HIVEP3: variants seen among roughly 807,000 people sequenced by gnomAD.
The protein encoded by HIVEP3 is transcription factor HIVEP3.
HIVEP3 carries 49 observed loss-of-function variants against 152.8 expected under a neutral mutation model. That is an observed-to-expected ratio of 0.32 (90% confidence interval 0.26 to 0.41). The LOEUF (loss-of-function observed/expected upper bound fraction) is 0.41, where lower values mean the gene tolerates loss of function less well. Among genes scored for constraint, HIVEP3 ranks in the 10% least tolerant of loss-of-function variants. The pLI is 1.00. For synonymous variants in HIVEP3, 1,269 were observed against 1,289.0 expected (o/e 0.98, Z 0.33); for missense variants, 2,790 against 3,103.3 (o/e 0.90, Z 2.40).
chr1:41,855,946 T>C (rs1643754028), intron 1 of HIVEP3, among the ~76,000 whole-genome samples: 1 of 152,182 alleles, frequency 6.6e-6, no homozygotes. Context: ...AGTGCAGTGA[T>C]GCAATCTCAG....
chr1:41,778,854 CG>C (rs1194061233), intron 1 of HIVEP3, among the ~76,000 whole-genome samples: 1 of 151,878 alleles, frequency 6.6e-6, no homozygotes, highest in Admixed American at 6.6e-5. Context: ...TCGGGTGGTA[CG>C]GAAGATCTCT....
At chr1:41,759,564 G>A (rs1647532205) in intron 1 of HIVEP3, among the ~76,000 whole-genome samples, 1 of 152,134 alleles carries the variant, frequency 6.6e-6, no homozygotes, top group African/African-American at 2.4e-5. Context: ...ACCTAGGAGT[G>A]GAATTGCTGG....
intron 1 of HIVEP3, among the ~76,000 whole-genome samples, chr1:41,732,861 G>A (rs1646862299): frequency 6.6e-6 from 1 of 152,146 alleles, no homozygotes; most frequent in Admixed American, 6.5e-5. Context: ...GGGGTCGGTA[G>A]GAGGGCAGAG....
intron 2 of HIVEP3, among the ~76,000 whole-genome samples, chr1:41,639,774 C>A (rs1243997019): frequency 5.9e-5 from 9 of 152,200 alleles, no homozygotes; most frequent in South Asian, 2.1e-4. Flanking sequence ...GCCTTGGGAA[C>A]CTTCCCGGTC....
intron 2 of HIVEP3, among the ~76,000 whole-genome samples, chr1:41,672,227 G>C (rs564286069): frequency 3.3e-5 from 5 of 152,184 alleles, no homozygotes; most frequent in Non-Finnish European, 7.4e-5. Context: ...ATGTGGGGCA[G>C]GCCCCATGTG....
At chr1:41,594,544 G>C (rs1219768357) in intron 3 of HIVEP3, among the ~76,000 whole-genome samples, 1 of 152,118 alleles carries the variant, frequency 6.6e-6, no homozygotes, top group East Asian at 1.9e-4. Context: ...TTTAAAACCT[G>C]TTTCTTGATC....
At chr1:41,840,035 C>T (rs1287369845) in intron 1 of HIVEP3, among the ~76,000 whole-genome samples, 2 of 152,176 alleles carry the variant, frequency 1.3e-5, no homozygotes, top group African/African-American at 4.8e-5. Context: ...CCCATCATCT[C>T]AGGAAGATCG....
At chr1:41,945,963 T>C (rs1645072621) in intron 1 of HIVEP3, among the ~76,000 whole-genome samples, 1 of 152,046 alleles carries the variant, frequency 6.6e-6, no homozygotes, top group Non-Finnish European at 1.5e-5. Flanking sequence ...GAAACCCTAC[T>C]GAACTTGGCA....
intron 1 of HIVEP3, among the ~76,000 whole-genome samples, chr1:41,880,886 C>T (rs113928652): frequency 4.5e-4 from 69 of 152,318 alleles, no homozygotes; most frequent in African/African-American, 1.3e-3. Flanking sequence ...TTCTCTAGTA[C>T]TAAGACAATG....
chr1:41,724,625 G>A (rs959453080), intron 1 of HIVEP3, among the ~76,000 whole-genome samples: 6 of 152,134 alleles, frequency 3.9e-5, no homozygotes, highest in Non-Finnish European at 8.8e-5. Context: ...GCTGATGCAC[G>A]GGTAATGGAC....
At chr1:41,551,800 T>C (rs763292677) in intron 5 of HIVEP3, among the ~76,000 whole-genome samples, 4 of 152,212 alleles carry the variant, frequency 2.6e-5, no homozygotes, top group Non-Finnish European at 4.4e-5. Context: ...TAATGGTCTA[T>C]CAATTTTGTT....
intron 1 of HIVEP3, among the ~76,000 whole-genome samples, chr1:41,927,277 A>G (rs909723547): frequency 3.9e-5 from 6 of 152,166 alleles, no homozygotes; most frequent in African/African-American, 1.4e-4. Context: ...TCCTGCACTG[A>G]GACAGGCCAC....
At chr1:41,603,160 G>A (rs959238848) in intron 3 of HIVEP3, among the ~76,000 whole-genome samples, 3 of 151,564 alleles carry the variant, frequency 2.0e-5, no homozygotes, top group Non-Finnish European at 4.4e-5. Context: ...TCCACCTCCC[G>A]GGTTCAAGCA....
intron 1 of HIVEP3, among the ~76,000 whole-genome samples, chr1:41,905,448 C>T (rs1366660366): frequency 3.3e-5 from 5 of 152,132 alleles, no homozygotes; most frequent in African/African-American, 7.2e-5. Context: ...GGGGATCTGA[C>T]GTGTGCATTC....
At chr1:41,594,830 A>G (rs1570048134) in intron 3 of HIVEP3, among the ~76,000 whole-genome samples, 1 of 152,068 alleles carries the variant, frequency 6.6e-6, no homozygotes, top group Non-Finnish European at 1.5e-5. Flanking sequence ...TAGTTCCATT[A>G]TGATTTATTT....
intron 2 of HIVEP3, among the ~76,000 whole-genome samples, chr1:41,674,587 G>C (rs1645925870): frequency 6.6e-6 from 1 of 152,208 alleles, no homozygotes; most frequent in Non-Finnish European, 1.5e-5. Flanking sequence ...CCTCCGTAGA[G>C]TTTGCAGTAG....
intron 1 of HIVEP3, among the ~76,000 whole-genome samples, chr1:41,953,932 C>T (rs1645124363): frequency 6.6e-6 from 1 of 152,188 alleles, no homozygotes; most frequent in Admixed American, 6.5e-5. Context: ...CTCTTCAGAA[C>T]CCAGAACATA....
intron 5 of HIVEP3, among the ~76,000 whole-genome samples, chr1:41,544,859 CACCACCACCACCACCACT>C (rs1643666005): frequency 2.1e-5 from 2 of 95,610 alleles, no homozygotes; most frequent in African/African-American, 9.3e-5. Flanking sequence ...CCACCACCAC[CACCACCACCACCACCACT>C]ACCACCTCTA....
upstream of HIVEP3, among the ~76,000 whole-genome samples, chr1:41,921,852 T>C (rs59200746): frequency 6.6e-6 from 1 of 152,020 alleles, no homozygotes; most frequent in East Asian, 1.9e-4. Flanking sequence ...AAGCCAAAGG[T>C]TGAATAGGGG....
Sources: allele counts gnomAD v4.1 joint callset (sites outside exome capture counted in the v4.1 genomes callset), GRCh38; gene constraint gnomAD v4.1.1; transcripts MANE v1.5; gene names NCBI Gene and HGNC (gene_info 2026-07-23, HGNC 2026-07-21).